The following PKNOX1 variants were observed in gnomAD, a reference collection of about 807,000 sequenced individuals.
PKNOX1 encodes homeobox protein PKNOX1.
Under a neutral mutation model 51.9 loss-of-function variants are expected in PKNOX1, and 15 were observed. The ratio of observed to expected loss-of-function variants is 0.29; its 90% CI spans 0.19 to 0.45. The LOEUF is 0.45. PKNOX1 is among the 20% of genes least tolerant of loss of function. The probability of loss-of-function intolerance (pLI) is 1.00; values close to 1 mark genes in which losing one functional copy is unlikely to be tolerated. For missense variants in PKNOX1, 462 were observed against 547.5 expected (o/e 0.84, Z 1.56); for synonymous variants, 219 against 211.1 (o/e 1.04, Z -0.32).
chr21:43,007,390 C>A, intron 2 of PKNOX1, 101 bp from the exon 3 acceptor site: 1 of 1,019,172 alleles, frequency 9.8e-7, no homozygotes, highest in Non-Finnish European at 1.5e-6. Flanking sequence ...AGTCATACTG[C>A]TGTCTGGCAA....
At chr21:43,002,379 CT>C (rs1978797814) in intron 1 of PKNOX1, among the ~76,000 whole-genome samples, 2 of 151,744 alleles carry the variant, frequency 1.3e-5, no homozygotes, top group Non-Finnish European at 2.9e-5. Context: ...TTGACCGTAC[CT>C]CCTCTCTTGT....
intron 1 of PKNOX1, among the ~76,000 whole-genome samples, chr21:42,984,521 T>C (rs1489434110): frequency 1.3e-5 from 2 of 152,040 alleles, no homozygotes; most frequent in Non-Finnish European, 2.9e-5. Context: ...CCCAAGTAGC[T>C]GGGATTACAG....
At chr21:43,018,265 G>A (rs759268540) in intron 7 of PKNOX1, 35 bp downstream of exon 7, 8 of 1,381,070 alleles carry the variant, frequency 5.8e-6, no homozygotes, top group South Asian at 5.8e-5. Flanking sequence ...CTTTGGGGGC[G>A]AGTGCTGCCC....
At chr21:43,014,212 G>A (rs1186623420) in intron 5 of PKNOX1, among the ~76,000 whole-genome samples, 14 of 151,796 alleles carry the variant, frequency 9.2e-5, no homozygotes, top group East Asian at 1.9e-4. Context: ...TAGTAGAGAC[G>A]GGGTTTCACC....
rs56932866 is a variant in PKNOX1, at chr21:43,008,061, TCACACA to T, written c.179+474_179+479del. Reference sequence around the variant, plus strand: ...CCTGGGCAACGAGAGCAAAACTCTGTCACACACACACACACACACACACACACACAC... The same window carrying T: ...CCTGGGCAACGAGAGCAAAACTCTGTCACACACACACACACACACACACAC... On this transcript the variant is annotated intron_variant, in intron 3 of 10. Coordinates refer to ENST00000291547, the MANE Select transcript of PKNOX1 (RefSeq NM_004571.5). Among the ~76,000 whole-genome samples, 65 of 146,730 alleles carry T rather than the reference TCACACA, an allele frequency of 4.4e-4. 1 individual carries two copies. Among genetic ancestry groups the T allele is most frequent in the African/African-American group, 7.8e-4 (30 of 38,440 alleles).
At chr21:42,997,184 T>TA (rs1978543568) in intron 1 of PKNOX1, among the ~76,000 whole-genome samples, 1 of 152,120 alleles carries the variant, frequency 6.6e-6, no homozygotes, top group African/African-American at 2.4e-5. Context: ...CCTGGCCCCA[T>TA]ATGCTGTTTA....
At chr21:43,006,600 G>C (rs772915741) in intron 2 of PKNOX1, among the ~76,000 whole-genome samples, 2 of 152,142 alleles carry the variant, frequency 1.3e-5, no homozygotes, top group Non-Finnish European at 2.9e-5. Context: ...CAAGACATTG[G>C]AGGGAAGAGA....
In PKNOX1 at chr21:43,021,443, T is replaced by C. The variant is rs111579670; in HGVS notation, c.849+12T>C. On this transcript the variant is annotated intron_variant, in intron 8 of 10. Coordinates refer to ENST00000291547, the MANE Select transcript of PKNOX1 (RefSeq NM_004571.5). The surrounding 1 kb of genome is among the most constrained non-coding windows in gnomAD (Gnocchi z 4.6). ...TCCAGCACATCGGGGTAAGGACGGCTGGGCCAGCCCTTGCCTTGCAGCCCT... is the reference window on the plus strand; with the variant it reads ...TCCAGCACATCGGGGTAAGGACGGCCGGGCCAGCCCTTGCCTTGCAGCCCT... The C allele has an allele frequency of 1.4e-3, 2,285 of 1,598,966 alleles. 16 individuals are homozygous for C. In the African/African-American group the frequency reaches 0.015, roughly 11 times the overall value.
Position 43,012,016 on chromosome 21 carries a change from T to C in PKNOX1, c.352-1052T>C, listed in dbSNP as rs372252486. Among the ~76,000 whole-genome samples the C allele has an allele frequency of 5.3e-5, 8 of 152,332 alleles. No individual in the cohort carries two copies. In the South Asian group the frequency reaches 6.2e-4, roughly 12 times the overall value. On this transcript the variant is annotated intron_variant, in intron 4 of 10. Transcript: ENST00000291547. Reference sequence around the variant, plus strand: ...TAGGCTGGCAGGGACCAAGGTTCTCTTGACTGGTGAGTGTTTAGCACAGGG... The same window carrying C: ...TAGGCTGGCAGGGACCAAGGTTCTCCTGACTGGTGAGTGTTTAGCACAGGG...
intron 1 of PKNOX1, among the ~76,000 whole-genome samples, chr21:42,987,930 A>C (rs965436353): frequency 6.6e-6 from 1 of 150,804 alleles, no homozygotes; most frequent in African/African-American, 2.4e-5. Flanking sequence ...TACATTTTTA[A>C]AGACCTGTAA....
intron 1 of PKNOX1, among the ~76,000 whole-genome samples, chr21:42,976,408 TTAAAA>T (rs1031048487): frequency 6.6e-6 from 1 of 152,326 alleles, no homozygotes; most frequent in South Asian, 2.1e-4. Flanking sequence ...TGTCAGTTAC[TTAAAA>T]TAAGACAACA....
At chr21:43,026,615 C>T (rs1458992296) in intron 9 of PKNOX1, among the ~76,000 whole-genome samples, 1 of 152,050 alleles carries the variant, frequency 6.6e-6, no homozygotes, top group Non-Finnish European at 1.5e-5. Context: ...AAATTAGCTG[C>T]GTGTGGTGGT....
chr21:42,975,689 C>T (rs1315861151), intron 1 of PKNOX1, among the ~76,000 whole-genome samples: 1 of 152,220 alleles, frequency 6.6e-6, no homozygotes, highest in Admixed American at 6.5e-5. Context: ...GGAATGGCGG[C>T]GTCCTGAGGT....
chr21:42,977,112 C>A (rs2059000959), intron 1 of PKNOX1, among the ~76,000 whole-genome samples: 1 of 152,150 alleles, frequency 6.6e-6, no homozygotes, highest in African/African-American at 2.4e-5. Context: ...AGCAGTGGAT[C>A]TCAACAGTGG....
chr21:42,994,763 A>G (rs1473000792), intron 1 of PKNOX1, among the ~76,000 whole-genome samples: 1 of 152,176 alleles, frequency 6.6e-6, no homozygotes, highest in Admixed American at 6.6e-5. Flanking sequence ...GCTTTATCAC[A>G]CCATCAAAAT....
intron 1 of PKNOX1, among the ~76,000 whole-genome samples, chr21:42,996,075 T>C (rs780377461): frequency 3.3e-5 from 5 of 151,958 alleles, no homozygotes; most frequent in Non-Finnish European, 5.9e-5. Context: ...ATTAGCCAAG[T>C]GTGGTGGTGT....
intron 9 of PKNOX1, 149 bp downstream of exon 9, chr21:43,025,096 AG>A: frequency 3.3e-6 from 2 of 603,566 alleles, no homozygotes; most frequent in Non-Finnish European, 5.8e-6. Context: ...TGTGTTGCCC[AG>A]GCTGGTCTCG....
At chr21:43,029,667 G>A (rs565598954) in intron 10 of PKNOX1, among the ~76,000 whole-genome samples, 5 of 152,052 alleles carry the variant, frequency 3.3e-5, no homozygotes, top group East Asian at 3.9e-4. Context: ...TCCTGACCTC[G>A]TTATCCGCCT....
At position 43,021,207 on chromosome 21, in the gene PKNOX1, G is replaced by C. The variant is rs905155257; in HGVS notation, c.721-96G>C. On this transcript the variant is annotated intron_variant, in intron 7 of 10. Transcript: ENST00000291547. This position sits in a 1 kb window ranked among gnomAD's most constrained non-coding sequence, Gnocchi z 4.6. ...GGGCCTCGACTACAATCATTTCCCTGTCCGATCCTTGGCTGTTTTCTCCAC... is the reference window on the plus strand; with the variant it reads ...GGGCCTCGACTACAATCATTTCCCTCTCCGATCCTTGGCTGTTTTCTCCAC... The C allele has an allele frequency of 1.5e-5, 15 of 1,017,092 alleles. No homozygotes were observed. In the Admixed American group the frequency reaches 2.7e-4, roughly 18 times the overall value. The allele number at this position is 1,017,092 out of a possible 1,614,324, so 63.0% of individuals were successfully genotyped here.
Sources: gnomAD v4.1 joint callset for allele counts (sites outside exome capture counted in the v4.1 genomes callset) on GRCh38, gnomAD v4.1.1 for gene constraint, Gnocchi (gnomAD v3.1) non-coding constraint, MANE v1.5 for transcripts, NCBI Gene and HGNC (gene_info 2026-07-23, HGNC 2026-07-21) for gene names.